The following BCL7A variants were observed in gnomAD, a reference collection of about 807,000 sequenced individuals.
BCL7A encodes B-cell CLL/lymphoma 7 protein family member A.
In BCL7A, 11 loss-of-function variants were observed where a neutral mutation model predicts 28.4. That is an observed-to-expected ratio of 0.39 (90% CI 0.24 to 0.64). The LOEUF (loss-of-function observed/expected upper bound fraction) is 0.64, where lower values mean the gene tolerates loss of function less well. BCL7A is among the 30% of genes least tolerant of loss of function. The pLI, the probability that BCL7A is intolerant of heterozygous loss-of-function variation, is 0.50. For synonymous variants in BCL7A, 123 were observed against 103.3 expected (o/e 1.19, Z -1.15); for missense variants, 222 against 274.8 (o/e 0.81, Z 1.36).
intron 1 of BCL7A, among the ~76,000 whole-genome samples, chr12:122,024,398 C>T (rs188330925): frequency 6.6e-6 from 1 of 150,934 alleles, no homozygotes; most frequent in African/African-American, 2.4e-5. Context: ...GCAGGAGGAG[C>T]TGTTGCTCAG....
At position 122,029,958 on chromosome 12, in the gene BCL7A, G is replaced by A. The variant is rs1050613046; in HGVS notation, c.93-742G>A. Among the ~76,000 whole-genome samples, 2 of 152,168 alleles carry A rather than the reference G, an allele frequency of 1.3e-5. No individual in the cohort carries two copies. Among genetic ancestry groups the A allele is most frequent in the South Asian group, 4.1e-4 (2 of 4,834 alleles). Reference sequence around the variant, plus strand: ...TCCTGTTTGCTTCTGTGGCTTGTAAGTTTCTCCTCATCCATAAACCTGCCT... The same window carrying A: ...TCCTGTTTGCTTCTGTGGCTTGTAAATTTCTCCTCATCCATAAACCTGCCT... On this transcript the variant is annotated intron_variant, in intron 1 of 5. Coordinates refer to ENST00000261822, the MANE Select transcript of BCL7A (RefSeq NM_001024808.3). The surrounding 1 kb of genome is among the most constrained non-coding windows in gnomAD (Gnocchi z 4.3).
intron 1 of BCL7A, among the ~76,000 whole-genome samples, chr12:122,027,493 T>A (rs1200992822): frequency 6.6e-6 from 1 of 152,016 alleles, no homozygotes; most frequent in Non-Finnish European, 1.5e-5. Context: ...TGAGCAGTGA[T>A]CGCACCACCG....
At position 122,043,923 on chromosome 12, in the gene BCL7A, C is replaced by A; in HGVS notation, c.309C>A (p.Ser103=). 1 of 1,613,882 alleles carries A rather than the reference C, an allele frequency of 6.2e-7. No individual in the cohort carries two copies. The highest frequency in any genetic ancestry group is 8.5e-7 in the Non-Finnish European group (1 of 1,179,996). Residue 103 remains serine (S), a synonymous_variant, in exon 4 of 6, where the codon TCC becomes TCA. Coordinates refer to ENST00000261822, the MANE Select transcript of BCL7A (RefSeq NM_001024808.3). ...NSNQSSIADA[S]PIKQENSSNS... ...ACCAGAGCTCCATCGCAGATGCCTCCCCCATCAAACAGGAGAACAGCAGCA... is the reference window on the plus strand; with the variant it reads ...ACCAGAGCTCCATCGCAGATGCCTCACCCATCAAACAGGAGAACAGCAGCA...
chr12:122,023,359 C>G (rs2135834451), intron 1 of BCL7A, among the ~76,000 whole-genome samples: 2 of 152,326 alleles, frequency 1.3e-5, no homozygotes, highest in South Asian at 2.1e-4. Context: ...AGCCTGGAAG[C>G]TGGGCAGGCC....
chr12:122,050,744 C>A (rs1186762626), intron 4 of BCL7A, among the ~76,000 whole-genome samples: 2 of 152,214 alleles, frequency 1.3e-5, no homozygotes, highest in Admixed American at 1.3e-4. Flanking sequence ...TGCAGTGAGC[C>A]ATGATCGTGC....
chr12:122,023,304 C>T (rs1883518734), intron 1 of BCL7A, among the ~76,000 whole-genome samples: 1 of 152,328 alleles, frequency 6.6e-6, no homozygotes, highest in African/African-American at 2.4e-5. Context: ...GCAACGCTGG[C>T]TCTGAGTGTC....
At chr12:122,036,552 G>T (rs1269813840) in intron 3 of BCL7A, among the ~76,000 whole-genome samples, 1 of 152,116 alleles carries the variant, frequency 6.6e-6, no homozygotes, top group Non-Finnish European at 1.5e-5. Flanking sequence ...AATGATGTGT[G>T]TATGACTCCA....
chr12:122,060,045 A>G lies in BCL7A; in HGVS notation c.*882A>G, dbSNP rs1951908059. The G allele has an allele frequency of 4.3e-6, 1 of 232,932 alleles. No homozygotes were observed. Among genetic ancestry groups the G allele is most frequent in the Non-Finnish European group, 8.5e-6 (1 of 117,716 alleles). The allele number at this position is 232,932 out of a possible 1,614,324, so 14.4% of individuals were successfully genotyped here. On this transcript the variant is annotated 3_prime_UTR_variant, in exon 6 of 6. Transcript: ENST00000261822. ...TTTCTCCCAGACCTCCGAATACGAA[A>G]TGGCTTCTCTGGCTGACTGCAAGGC...
intron 4 of BCL7A, among the ~76,000 whole-genome samples, chr12:122,051,570 C>T (rs1884191577): frequency 6.6e-6 from 1 of 152,196 alleles, no homozygotes; most frequent in African/African-American, 2.4e-5. Context: ...GGCCAGTTCC[C>T]ACCAAGCTCT....
chr12:122,051,956 C>T (rs775087638), intron 4 of BCL7A, among the ~76,000 whole-genome samples: 1 of 135,320 alleles, frequency 7.4e-6, no homozygotes, highest in East Asian at 2.4e-4. Context: ...CTCACTGCAA[C>T]CTCCGCCTCC....
chr12:122,038,003 C>T (rs936296677), intron 3 of BCL7A, among the ~76,000 whole-genome samples: 6 of 151,858 alleles, frequency 4.0e-5, no homozygotes, highest in African/African-American at 1.5e-4. Flanking sequence ...CACCTGTAAT[C>T]CCAGCTGCTC....
Position 122,035,372 on chromosome 12 carries a change from C to T in BCL7A, c.216C>T (p.Gly72=), listed in dbSNP as rs117321103. ...NKKKGKDEKC[G]SEVTTPENSS... ...AAAAAGGCAAGGACGAGAAGTGTGG[C>T]TCAGAGGTGACCACTCCGGAGAACA... The change falls in exon 3 of 6, where the codon GGC becomes GGT. Residue 72 remains glycine (G), a synonymous_variant. Transcript: ENST00000261822. 8.7e-6 allele frequency: 14 copies of T among 1,614,210 alleles called. No homozygotes were observed. Among genetic ancestry groups the T allele is most frequent in the Non-Finnish European group, 1.0e-5 (12 of 1,180,020 alleles).
chr12:122,030,503 T>C (rs997431200), intron 1 of BCL7A, among the ~76,000 whole-genome samples, 197 bp from the exon 2 acceptor site: 10 of 152,198 alleles, frequency 6.6e-5, no homozygotes, highest in Non-Finnish European at 2.9e-5. Flanking sequence ...AACCACCCTA[T>C]GTGGTGTAAC....
At position 122,038,431 on chromosome 12, in the gene BCL7A, C is replaced by CAA. The variant is rs56376395; in HGVS notation, c.271+3031_271+3032dup. ...TGGGCAAAGGAGCGAGACTCTGCCT[C>CAA]AAAAAAAAAAAAAAAAAAAAAAAAA... On this transcript the variant is annotated intron_variant, in intron 3 of 5. Transcript: ENST00000261822. Among the ~76,000 whole-genome samples the CAA allele has an allele frequency of 2.1e-3, 70 of 33,544 alleles. 3 individuals are homozygous for CAA. Among genetic ancestry groups the CAA allele is most frequent in the African/African-American group, 2.7e-3 (36 of 13,530 alleles). The allele number at this position is 33,544 out of a possible 152,430, so 22.0% of individuals were successfully genotyped here. A position where few individuals can be genotyped will look rare whatever the true frequency, so the allele number is the denominator to read the frequency against.
intron 4 of BCL7A, among the ~76,000 whole-genome samples, chr12:122,052,015 C>T (rs1368483721): frequency 4.0e-5 from 6 of 151,730 alleles, no homozygotes; most frequent in Non-Finnish European, 5.9e-5. Context: ...GCTGAGATTA[C>T]AGGCACCTGC....
intron 4 of BCL7A, among the ~76,000 whole-genome samples, chr12:122,046,494 C>T (rs1029744968): frequency 2.6e-5 from 4 of 152,128 alleles, no homozygotes; most frequent in African/African-American, 9.7e-5. Context: ...GCGCCAGGGC[C>T]CCAGTCATAG....
chr12:122,024,283 A>C (rs1183557928), intron 1 of BCL7A, among the ~76,000 whole-genome samples: 1 of 152,132 alleles, frequency 6.6e-6, no homozygotes, highest in Non-Finnish European at 1.5e-5. Context: ...TATCATTGTC[A>C]CTTCTCTAAC....
At chr12:122,023,543 G>GGA in intron 1 of BCL7A, among the ~76,000 whole-genome samples, 1 of 152,312 alleles carries the variant, frequency 6.6e-6, no homozygotes, top group Middle Eastern at 3.4e-3. Context: ...CGTGCTCCCC[G>GGA]GCCTCCTATG....
rs1201371074 is a variant in BCL7A, at chr12:122,054,876, C to G, written c.511C>G (p.Gln171Glu). ...GAACAGCTCAGAGAAAGTAGATCGG[C>G]AGCCGTCTGGAGACTCGGGTCTGGC... ...SMNSSEKVDRQPSGDSGLAAE... is the reference protein window; with the variant it reads ...SMNSSEKVDREPSGDSGLAAE... The change falls in exon 5 of 6, where the codon CAG (glutamine) becomes GAG (glutamate). Residue 171 changes from glutamine to glutamate, a missense_variant. Physicochemically the swap from Gln to Glu is conservative, Grantham distance 29. Coordinates refer to ENST00000261822, the MANE Select transcript of BCL7A (RefSeq NM_001024808.3). 6.2e-7 allele frequency: 1 copy of G among 1,614,212 alleles called. No homozygotes were observed. The highest frequency in any genetic ancestry group is 1.1e-5 in the South Asian group (1 of 91,090).
Sources: allele counts gnomAD v4.1 joint callset (sites outside exome capture counted in the v4.1 genomes callset), GRCh38; gene constraint gnomAD v4.1.1; non-coding constraint Gnocchi (gnomAD v3.1); transcripts MANE v1.5; gene names NCBI Gene and HGNC (gene_info 2026-07-23, HGNC 2026-07-21).